PAPPA2: variants seen among roughly 807,000 people sequenced by gnomAD.
The protein encoded by PAPPA2 is pappalysin 2.
Under a neutral mutation model 176.4 loss-of-function variants are expected in PAPPA2, and 86 were observed. The ratio of observed to expected loss-of-function variants is 0.49; its 90% CI spans 0.41 to 0.58. The LOEUF (loss-of-function observed/expected upper bound fraction) is 0.58. Among genes scored for constraint, PAPPA2 ranks in the 20% least tolerant of loss-of-function variants. The probability of loss-of-function intolerance (pLI) is 0.00; values close to 1 mark genes in which losing one functional copy is unlikely to be tolerated. For synonymous variants in PAPPA2, 809 were observed against 852.2 expected (o/e 0.95, Z 0.88); for missense variants, 2,073 against 2,256.9 (o/e 0.92, Z 1.65).
intron 12 of PAPPA2, among the ~76,000 whole-genome samples, chr1:176,727,630 C>T (rs1430859520): frequency 1.3e-5 from 2 of 151,730 alleles, no homozygotes; most frequent in Non-Finnish European, 2.9e-5. Flanking sequence ...TTTTTTTCAC[C>T]TATCTGTTAG....
chr1:176,481,709 C>CTTTG (rs948362164), intron 1 of PAPPA2, among the ~76,000 whole-genome samples: 1 of 152,014 alleles, frequency 6.6e-6, no homozygotes, highest in South Asian at 2.1e-4. Flanking sequence ...GTTTTGTTTT[C>CTTTG]TTTGTTTGTT....
At chr1:176,480,229 G>T (rs535094923) in intron 1 of PAPPA2, among the ~76,000 whole-genome samples, 1 of 152,302 alleles carries the variant, frequency 6.6e-6, no homozygotes, top group African/African-American at 2.4e-5. Context: ...GTATTGCTCT[G>T]TGCAACAGTC....
At chr1:176,796,520 CA>C (rs2102944552) in intron 20 of PAPPA2, among the ~76,000 whole-genome samples, 1 of 152,272 alleles carries the variant, frequency 6.6e-6, no homozygotes, top group Non-Finnish European at 1.5e-5. Flanking sequence ...TGACCTTTAA[CA>C]AGACATTTAA....
At chr1:176,798,323 T>A (rs1288931497) in intron 20 of PAPPA2, among the ~76,000 whole-genome samples, 1 of 152,124 alleles carries the variant, frequency 6.6e-6, no homozygotes, top group Non-Finnish European at 1.5e-5. Context: ...CTTGACTAGG[T>A]TTATGGATTT....
rs184604829 is a variant in PAPPA2 at position 176,471,837 on chromosome 1, G to A, written c.-917+8419G>A. Among the ~76,000 whole-genome samples, 33 of 152,230 alleles carry A rather than the reference G, an allele frequency of 2.2e-4. 1 individual carries two copies. Among genetic ancestry groups the A allele is most frequent in the Admixed American group, 1.1e-3 (17 of 15,284 alleles). On this transcript the variant is annotated intron_variant, in intron 1 of 22. Coordinates refer to ENST00000367662, the MANE Select transcript of PAPPA2 (RefSeq NM_020318.3). ...CATTTGACCTGTAGAGTTTCTTGTA[G>A]GCCGGATGTTGCTGATTGGACACTC... is the stretch of plus-strand genomic sequence containing the variant.
At chr1:176,491,959 A>G (rs1235522883) in intron 1 of PAPPA2, among the ~76,000 whole-genome samples, 1 of 152,234 alleles carries the variant, frequency 6.6e-6, no homozygotes, top group Non-Finnish European at 1.5e-5. Context: ...CACTTGTCAA[A>G]CACAGCAGAA....
chr1:176,560,742 A>G (rs1197410223), intron 2 of PAPPA2, among the ~76,000 whole-genome samples: 1 of 152,170 alleles, frequency 6.6e-6, no homozygotes, highest in African/African-American at 2.4e-5. Context: ...CCGCCTTCTC[A>G]ACTTCCTTTC....
At chr1:176,673,563 A>C (rs1659129147) in intron 4 of PAPPA2, among the ~76,000 whole-genome samples, 1 of 152,144 alleles carries the variant, frequency 6.6e-6, no homozygotes, top group South Asian at 2.1e-4. Context: ...AAAAGACCTT[A>C]AAAATTATCT....
rs1339350821 is a variant in PAPPA2, at chr1:176,637,103, G to C, written c.1992-33867G>C. Among the ~76,000 whole-genome samples, 4 of 152,058 alleles carry C rather than the reference G, an allele frequency of 2.6e-5. No homozygotes were observed. The East Asian group carries it at 7.7e-4, about 29-fold the overall frequency. On this transcript the variant is annotated intron_variant, in intron 3 of 22. Coordinates refer to ENST00000367662, the MANE Select transcript of PAPPA2 (RefSeq NM_020318.3). ...GGGAGGAGTAGGATTGTAGGCAATG[G>C]GGGATAGCGTGCATGAAAGTTTGGA...
intron 21 of PAPPA2, among the ~76,000 whole-genome samples, chr1:176,820,853 C>T (rs1004735134): frequency 6.6e-6 from 1 of 152,110 alleles, no homozygotes; most frequent in Non-Finnish European, 1.5e-5. Flanking sequence ...CAACAACCCC[C>T]AAAGGAAATA....
intron 1 of PAPPA2, among the ~76,000 whole-genome samples, chr1:176,474,222 A>G (rs897472465): frequency 1.3e-5 from 2 of 152,190 alleles, no homozygotes; most frequent in Non-Finnish European, 2.9e-5. Context: ...TACATGTCCA[A>G]GGTAAGTTGG....
At chr1:176,532,436 GC>G (rs1251823338) in intron 1 of PAPPA2, among the ~76,000 whole-genome samples, 1 of 152,156 alleles carries the variant, frequency 6.6e-6, no homozygotes, top group African/African-American at 2.4e-5. Flanking sequence ...TCCCATCTGG[GC>G]CAGAGGAAAC....
intron 3 of PAPPA2, among the ~76,000 whole-genome samples, chr1:176,608,626 G>A (rs1315355021): frequency 1.3e-5 from 2 of 152,150 alleles, no homozygotes; most frequent in African/African-American, 2.4e-5. Flanking sequence ...TTTATCGACA[G>A]TGCAGTCCGT....
chr1:176,721,088 T>C (rs930211141), intron 12 of PAPPA2, among the ~76,000 whole-genome samples: 12 of 152,254 alleles, frequency 7.9e-5, no homozygotes, highest in African/African-American at 2.6e-4. Flanking sequence ...AGAAACACCA[T>C]ACAAACACAC....
At chr1:176,573,620 C>G (rs893449592) in intron 2 of PAPPA2, among the ~76,000 whole-genome samples, 1 of 152,246 alleles carries the variant, frequency 6.6e-6, no homozygotes, top group Middle Eastern at 3.4e-3. Context: ...GGGGTAATGA[C>G]AAGACATAGA....
At chr1:176,620,123 C>G (rs1655502154) in intron 3 of PAPPA2, among the ~76,000 whole-genome samples, 1 of 152,182 alleles carries the variant, frequency 6.6e-6, no homozygotes, top group South Asian at 2.1e-4. Flanking sequence ...CAGATGGCAC[C>G]TTCTTGCCAT....
chr1:176,799,081 C>T (rs188313360), intron 20 of PAPPA2, among the ~76,000 whole-genome samples: 44 of 152,142 alleles, frequency 2.9e-4, no homozygotes, highest in African/African-American at 1.1e-3. Flanking sequence ...TCCTGTGTTG[C>T]CATGTATTCT....
At chr1:176,559,958 C>T (rs1443947045) in intron 2 of PAPPA2, among the ~76,000 whole-genome samples, 1 of 152,220 alleles carries the variant, frequency 6.6e-6, no homozygotes, top group Admixed American at 6.5e-5. Context: ...CTCCCCAGCC[C>T]CAGATGCGGG....
At position 176,535,093 on chromosome 1, in the gene PAPPA2, A is replaced by C. The variant is rs1457932456; in HGVS notation, c.-916-20314A>C. 2.6e-5 allele frequency among the ~76,000 whole-genome samples: 4 copies of C among 152,190 alleles called. 1 individual carries two copies. Among genetic ancestry groups the C allele is most frequent in the African/African-American group, 9.7e-5 (4 of 41,442 alleles). On this transcript the variant is annotated intron_variant, in intron 1 of 22. Coordinates refer to ENST00000367662, the MANE Select transcript of PAPPA2 (RefSeq NM_020318.3). ...GCCAAGGAATGAATCAGCTTCCTAC[A>C]GGGTGGAGAAAAATGGGAAGAAGGA...
Sources: allele counts gnomAD v4.1 joint callset (sites outside exome capture counted in the v4.1 genomes callset), GRCh38; gene constraint gnomAD v4.1.1; transcripts MANE v1.5; gene names NCBI Gene and HGNC (gene_info 2026-07-23, HGNC 2026-07-21).